The following PLEKHH2 variants were observed in gnomAD, a reference collection of about 807,000 sequenced individuals.
The protein encoded by PLEKHH2 is pleckstrin homology domain-containing family H member 2.
PLEKHH2 carries 129 observed loss-of-function variants against 187.9 expected under a neutral mutation model. The observed-to-expected ratio is 0.69, with a 90% CI of 0.59 to 0.79. The LOEUF is 0.79. Ranked by LOEUF, PLEKHH2 falls within the 30% of genes least tolerant of loss-of-function variation. The pLI is 0.00. For synonymous variants in PLEKHH2, 686 were observed against 605.6 expected (o/e 1.13, Z -1.95); for missense variants, 2,076 against 1,751.2 (o/e 1.19, Z -3.31).
chr2:43,741,966 T>C (rs965096706), intron 21 of PLEKHH2, among the ~76,000 whole-genome samples: 8 of 152,184 alleles, frequency 5.3e-5, no homozygotes, highest in Non-Finnish European at 1.0e-4. Flanking sequence ...GTGTTTTTTA[T>C]AGAATAAAGA....
intron 15 of PLEKHH2, among the ~76,000 whole-genome samples, chr2:43,714,067 A>G (rs1456371826): frequency 1.3e-5 from 2 of 152,200 alleles, no homozygotes; most frequent in Non-Finnish European, 2.9e-5. Flanking sequence ...CAGTGAACAC[A>G]CTGCTACTTT....
Position 43,753,644 on chromosome 2 carries a change from GGAGAGACTGATA to G in PLEKHH2, c.3684_3695del (p.Thr1229_Glu1232del). The G allele has an allele frequency of 6.4e-7, 1 of 1,557,642 alleles. No homozygotes were observed. Among genetic ancestry groups the G allele is most frequent in the Non-Finnish European group, 8.7e-7 (1 of 1,155,584 alleles). On this transcript the variant is annotated inframe_deletion, in exon 25 of 30. Coordinates refer to ENST00000282406, the MANE Select transcript of PLEKHH2 (RefSeq NM_172069.4). Reference sequence around the variant, plus strand: ...ACTATATTTCTCAGTGCAAGCTCGTGGAGAGACTGATAGAGAAAAGTTGCTGTTAATGTATCA... The same window carrying G: ...ACTATATTTCTCAGTGCAAGCTCGTGGAGAAAAGTTGCTGTTAATGTATCA...
At chr2:43,670,798 A>C (rs1318652244) in intron 2 of PLEKHH2, among the ~76,000 whole-genome samples, 2 of 152,134 alleles carry the variant, frequency 1.3e-5, no homozygotes, top group African/African-American at 4.8e-5. Context: ...CTTCTGACTC[A>C]TAGTTTAACT....
intron 7 of PLEKHH2, among the ~76,000 whole-genome samples, chr2:43,699,334 A>T (rs1669240696): frequency 6.6e-6 from 1 of 152,192 alleles, no homozygotes; most frequent in African/African-American, 2.4e-5. Flanking sequence ...AAGACATAAG[A>T]CTAACACAGG....
At position 43,728,125 on chromosome 2, in the gene PLEKHH2, G is replaced by C. The variant is rs565566121; in HGVS notation, c.2722-1512G>C. ...AGTACTTTGAAAATATGTTTCAAGA[G>C]TTCCTAAAAGTTTTCTCGCCCTAGT... is the stretch of plus-strand genomic sequence containing the variant. On this transcript the variant is annotated intron_variant, in intron 17 of 29. Coordinates refer to ENST00000282406, the MANE Select transcript of PLEKHH2 (RefSeq NM_172069.4). Among the ~76,000 whole-genome samples the C allele has an allele frequency of 3.3e-5, 5 of 152,270 alleles. No homozygotes were observed. The East Asian group carries it at 9.6e-4, about 29-fold the overall frequency.
At chr2:43,703,003 T>C (rs1669465277) in intron 8 of PLEKHH2, among the ~76,000 whole-genome samples, 1 of 152,220 alleles carries the variant, frequency 6.6e-6, no homozygotes, top group Admixed American at 6.5e-5. Context: ...CTTATTGTTA[T>C]ATGTCTTTCT....
chr2:43,743,895 C>T lies in PLEKHH2; in HGVS notation c.3461C>T (p.Thr1154Ile), dbSNP rs1212032708. ...TTTTTGAATACTTTGAACCAGGACA[C>T]AGGAATGAGGAAACCAGCGCAGTCT... ...EEFLNTLNQD[T>I]GMRKPAQSGF... Residue 1154 changes from threonine (T) to isoleucine (I), a missense_variant, in exon 23 of 30, where the codon ACA becomes ATA. Coordinates refer to ENST00000282406, the MANE Select transcript of PLEKHH2 (RefSeq NM_172069.4). 1 of 1,614,060 alleles carries T rather than the reference C, an allele frequency of 6.2e-7. No individual in the cohort carries two copies. Among genetic ancestry groups the T allele is most frequent in the South Asian group, 1.1e-5 (1 of 91,080 alleles).
Position 43,743,958 on chromosome 2 carries a change from A to T in PLEKHH2, c.3524A>T (p.Asp1175Val), listed in dbSNP as rs369160065. The T allele has an allele frequency of 1.3e-5, 21 of 1,613,950 alleles. No homozygotes were observed. Among genetic ancestry groups the T allele is most frequent in the Non-Finnish European group, 1.7e-6 (2 of 1,179,956 alleles). ...TTCACTGACGATCCTTCTGGCAGAG[A>T]TTTAGAGCATTGTCTTCAAGGAAAC... is the stretch of plus-strand genomic sequence containing the variant. ...ALFTDDPSGR[D>V]LEHCLQGNIK... The change falls in exon 23 of 30, where the codon GAT becomes GTT. Residue 1175 changes from aspartate (D) to valine (V), a missense_variant. Physicochemically the swap from Asp to Val is radical, Grantham distance 152. Coordinates refer to ENST00000282406, the MANE Select transcript of PLEKHH2 (RefSeq NM_172069.4).
chr2:43,749,757 T>A (rs986798934), intron 24 of PLEKHH2, among the ~76,000 whole-genome samples: 24 of 152,352 alleles, frequency 1.6e-4, no homozygotes, highest in African/African-American at 5.8e-4. Flanking sequence ...CCCTAATTTC[T>A]AGTGATACAG....
At chr2:43,690,601 T>A (rs200045336) in intron 3 of PLEKHH2, among the ~76,000 whole-genome samples, 1 of 152,200 alleles carries the variant, frequency 6.6e-6, no homozygotes, top group East Asian at 1.9e-4. Flanking sequence ...TAATTTCAGA[T>A]TTTCATCTTA....
intron 24 of PLEKHH2, among the ~76,000 whole-genome samples, chr2:43,752,821 A>C (rs1672059827): frequency 6.6e-6 from 1 of 152,332 alleles, no homozygotes; most frequent in African/African-American, 2.4e-5. Context: ...GATTTGATGA[A>C]GACCCCCCTA....
At chr2:43,762,252 C>A in intron 27 of PLEKHH2, 52 bp from the exon 28 acceptor site, 1 of 1,304,438 alleles carries the variant, frequency 7.7e-7, no homozygotes, top group East Asian at 2.3e-5. Context: ...GAAAAATATT[C>A]CTGTAATTTT....
intron 16 of PLEKHH2, among the ~76,000 whole-genome samples, chr2:43,723,984 T>C (rs1594582): frequency 1.3e-5 from 2 of 152,048 alleles, no homozygotes; most frequent in African/African-American, 4.8e-5. Context: ...ATTCTGAAAG[T>C]CTTGTTGACA....
chr2:43,751,836 C>T (rs927460519), intron 24 of PLEKHH2, among the ~76,000 whole-genome samples: 3 of 151,884 alleles, frequency 2.0e-5, no homozygotes, highest in African/African-American at 7.3e-5. Flanking sequence ...CAAATTCTCC[C>T]CAAATCCCTG....
intron 2 of PLEKHH2, among the ~76,000 whole-genome samples, chr2:43,657,865 C>A (rs1666870738): frequency 2.6e-5 from 4 of 152,118 alleles, no homozygotes; most frequent in Admixed American, 2.6e-4. Flanking sequence ...ATTTATATTA[C>A]CTGTGTGTCT....
intron 2 of PLEKHH2, among the ~76,000 whole-genome samples, chr2:43,669,127 C>T (rs1471349459): frequency 6.6e-6 from 1 of 152,172 alleles, no homozygotes; most frequent in African/African-American, 2.4e-5. Flanking sequence ...AGTTGAAGTT[C>T]ATGGAGTTCC....
intron 28 of PLEKHH2, among the ~76,000 whole-genome samples, chr2:43,762,603 A>G (rs1352336310): frequency 6.6e-6 from 1 of 152,228 alleles, no homozygotes; most frequent in Non-Finnish European, 1.5e-5. Flanking sequence ...ATTGTGTATG[A>G]GAAAAATCTT....
chr2:43,746,294 A>C (rs1396125029), intron 24 of PLEKHH2, among the ~76,000 whole-genome samples: 1 of 152,252 alleles, frequency 6.6e-6, no homozygotes, highest in Non-Finnish European at 1.5e-5. Flanking sequence ...ACCTGAGGTC[A>C]GGAGTTCAAG....
chr2:43,711,874 A>T (rs1471064682), intron 14 of PLEKHH2: 6 of 925,552 alleles, frequency 6.5e-6, no homozygotes, highest in Non-Finnish European at 7.9e-6. Context: ...AGCCTGGGCG[A>T]CAGAAAGAGA....
Sources: gnomAD v4.1 joint callset for allele counts (sites outside exome capture counted in the v4.1 genomes callset) on GRCh38, gnomAD v4.1.1 for gene constraint, MANE v1.5 for transcripts, NCBI Gene and HGNC (gene_info 2026-07-23, HGNC 2026-07-21) for gene names.